Variants in ADAM20 observed in about 807,000 individuals in gnomAD.
ADAM20 encodes ADAM metallopeptidase domain 20.
For missense variants in ADAM20, 871 were observed against 883.2 expected, an observed-to-expected ratio of 0.99 and a Z score of 0.18; for synonymous variants, 305 against 310.2, an observed-to-expected ratio of 0.98 and a Z score of 0.18.
intron 1 of ADAM20, among the ~76,000 whole-genome samples, chr14:70,532,227 G>A (rs974664136): frequency 6.6e-6 from 1 of 151,898 alleles, no homozygotes; most frequent in African/African-American, 2.4e-5. Flanking sequence ...CTACACAATG[G>A]GGGAAAAATA....
Position 70,523,379 on chromosome 14 carries a change from G to A in ADAM20, c.1379C>T (p.Pro460Leu). ...GICCKDCKFLPSGTLCRQQVG... is the reference protein window; with the variant it reads ...GICCKDCKFLLSGTLCRQQVG... Reference sequence around the variant, plus strand: ...TTGTTGTCTACATAAAGTTCCTGATGGCAGAAATTTGCAGTCTTTGCAACA... The same window carrying A: ...TTGTTGTCTACATAAAGTTCCTGATAGCAGAAATTTGCAGTCTTTGCAACA... Residue 460 changes from proline to leucine, a missense_variant, in exon 2 of 2, where the codon CCA (proline) becomes CTA (leucine). Coordinates refer to ENST00000256389, the MANE Select transcript of ADAM20 (RefSeq NM_003814.5). 6 of 1,614,006 alleles carry A rather than the reference G, an allele frequency of 3.7e-6. No individual in the cohort carries two copies. Among genetic ancestry groups the A allele is most frequent in the Non-Finnish European group, 5.1e-6 (6 of 1,179,982 alleles).
At chr14:70,578,759 T>C in the ADAM20 span, among the ~76,000 whole-genome samples, 1 of 152,104 alleles carries the variant, frequency 6.6e-6, no homozygotes, top group South Asian at 2.1e-4. Flanking sequence ...TATTGTGTGA[T>C]GCTGAGGTTT....
At chr14:70,528,129 T>C (rs916577603) in intron 1 of ADAM20, among the ~76,000 whole-genome samples, 12 of 152,186 alleles carry the variant, frequency 7.9e-5, no homozygotes, top group Admixed American at 2.0e-4. Flanking sequence ...GCAGAAATAT[T>C]GTTATTGATA....
the ADAM20 span, among the ~76,000 whole-genome samples, chr14:70,561,438 G>A: frequency 2.0e-5 from 3 of 152,238 alleles, no homozygotes; most frequent in Non-Finnish European, 4.4e-5. Flanking sequence ...TGACCATACA[G>A]TAGAAAAGAA....
At chr14:70,546,068 A>C in the ADAM20 span, among the ~76,000 whole-genome samples, 1 of 152,218 alleles carries the variant, frequency 6.6e-6, no homozygotes, top group Non-Finnish European at 1.5e-5. Context: ...AACTGTACAA[A>C]CATGTGGAAA....
chr14:70,562,995 C>T, the ADAM20 span, among the ~76,000 whole-genome samples: 11 of 152,222 alleles, frequency 7.2e-5, no homozygotes, highest in Admixed American at 7.2e-4. Context: ...GCCAACCATA[C>T]TCCCTACAGT....
the ADAM20 span, among the ~76,000 whole-genome samples, chr14:70,574,254 T>C: frequency 6.6e-6 from 1 of 152,216 alleles, no homozygotes; most frequent in Non-Finnish European, 1.5e-5. Context: ...AAAAAAATTT[T>C]AAATGTCTTG....
the ADAM20 span, among the ~76,000 whole-genome samples, chr14:70,545,901 T>G: frequency 6.6e-6 from 1 of 152,210 alleles, no homozygotes; most frequent in African/African-American, 2.4e-5. Context: ...ATCTAATGGC[T>G]ACAGAATATA....
chr14:70,522,551 T>C lies in ADAM20; in HGVS notation c.*26A>G, dbSNP rs372675639. 6.6e-7 allele frequency: 1 copy of C among 1,518,072 alleles called. No homozygotes were observed. The highest frequency in any genetic ancestry group is 1.4e-5 in the African/African-American group (1 of 71,354). 94.0% of individuals were successfully genotyped at this position (1,518,072 alleles called of 1,614,324 possible). On this transcript the variant is annotated 3_prime_UTR_variant, in exon 2 of 2. Coordinates refer to ENST00000256389, the MANE Select transcript of ADAM20 (RefSeq NM_003814.5). ...GATATTAAAAATGAAGTATAAAGTTTAGTCTCCTTCTTTTTCCCATTTCTC... is the reference window on the plus strand; with the variant it reads ...GATATTAAAAATGAAGTATAAAGTTCAGTCTCCTTCTTTTTCCCATTTCTC...
the ADAM20 span, among the ~76,000 whole-genome samples, chr14:70,542,494 G>C: frequency 6.6e-6 from 1 of 152,182 alleles, no homozygotes; most frequent in Non-Finnish European, 1.5e-5. Flanking sequence ...CTTTCTGACA[G>C]GCCAGGAACC....
the ADAM20 span, among the ~76,000 whole-genome samples, chr14:70,553,347 G>GA: frequency 0.062 from 3,557 of 57,562 alleles, 178 homozygotes; most frequent in African/African-American, 0.11. Flanking sequence ...TAGCAGAATT[G>GA]AAAAAAAAAA....
intron 1 of ADAM20, among the ~76,000 whole-genome samples, chr14:70,534,087 A>C (rs1241649710): frequency 1.0e-5 from 1 of 99,884 alleles, no homozygotes. Flanking sequence ...TGTCTCAAAA[A>C]AAAAAAAAAA....
chr14:70,525,396 T>TG (rs1566656589), intron 1 of ADAM20, among the ~76,000 whole-genome samples: 1 of 152,142 alleles, frequency 6.6e-6, no homozygotes, highest in Admixed American at 6.6e-5. Context: ...TGATTTTTTT[T>TG]GGGGGGATAG....
At chr14:70,554,878 T>C in the ADAM20 span, among the ~76,000 whole-genome samples, 31 of 152,292 alleles carry the variant, frequency 2.0e-4, no homozygotes, top group South Asian at 4.1e-4. Context: ...CGAAGGGATT[T>C]ATTGAAAATG....
At chr14:70,543,123 C>T in the ADAM20 span, among the ~76,000 whole-genome samples, 1 of 152,212 alleles carries the variant, frequency 6.6e-6, no homozygotes, top group African/African-American at 2.4e-5. Flanking sequence ...TCTAGTGTTG[C>T]CTAATGTTCT....
At chr14:70,537,571 T>C (rs72719734), upstream of ADAM20, among the ~76,000 whole-genome samples, 4,047 of 152,264 alleles carry the variant, frequency 0.027, 80 homozygotes, top group Middle Eastern at 0.058. Context: ...ATGTCCAGTT[T>C]CTTCTCAGCT....
At chr14:70,578,526 G>T in the ADAM20 span, among the ~76,000 whole-genome samples, 37 of 152,096 alleles carry the variant, frequency 2.4e-4, no homozygotes, top group Middle Eastern at 3.2e-3. Flanking sequence ...TCTGCACAGC[G>T]AAAGAAACAA....
intron 1 of ADAM20, 37 bp from the exon 2 acceptor site, chr14:70,524,970 G>A: frequency 6.7e-7 from 1 of 1,503,432 alleles, no homozygotes; most frequent in Non-Finnish European, 8.9e-7. Context: ...GGATAGAAAG[G>A]GAGAAAGAGA....
At chr14:70,579,003 T>G in the ADAM20 span, among the ~76,000 whole-genome samples, 4 of 152,184 alleles carry the variant, frequency 2.6e-5, no homozygotes, top group African/African-American at 9.6e-5. Flanking sequence ...TTCATGTTGC[T>G]GCAAAGGACA....
Sources: allele counts gnomAD v4.1 joint callset (sites outside exome capture counted in the v4.1 genomes callset), GRCh38; gene constraint gnomAD v4.1.1; transcripts MANE v1.5; gene names NCBI Gene and HGNC (gene_info 2026-07-23, HGNC 2026-07-21).